The following NKD1 variants were observed in gnomAD, a reference collection of about 807,000 sequenced individuals.
The protein encoded by NKD1 is NKD inhibitor of Wnt signaling pathway 1, also known as protein naked cuticle homolog 1.
Under a neutral mutation model 56.0 loss-of-function variants are expected in NKD1, and 21 were observed. The observed-to-expected ratio is 0.38, with a 90% CI of 0.27 to 0.54. The LOEUF (loss-of-function observed/expected upper bound fraction) is 0.54. Ranked by LOEUF, NKD1 falls within the 20% of genes least tolerant of loss-of-function variation. NKD1 has a pLI of 0.82. For synonymous variants in NKD1, 263 were observed against 265.7 expected (o/e 0.99, Z 0.10); for missense variants, 578 against 642.7 (o/e 0.90, Z 1.09).
intron 3 of NKD1, among the ~76,000 whole-genome samples, chr16:50,601,977 C>T (rs1961606891): frequency 6.6e-6 from 1 of 152,212 alleles, no homozygotes; most frequent in Non-Finnish European, 1.5e-5. Context: ...TCTCAAAAGG[C>T]TGCCTGCCAT....
intron 4 of NKD1, among the ~76,000 whole-genome samples, chr16:50,610,618 G>A (rs1214735843): frequency 6.6e-6 from 1 of 152,244 alleles, no homozygotes; most frequent in Non-Finnish European, 1.5e-5. Context: ...TGTTGGCCAA[G>A]TTCATTGCCT....
At chr16:50,596,523 T>G (rs1385601089) in intron 3 of NKD1, among the ~76,000 whole-genome samples, 2 of 152,352 alleles carry the variant, frequency 1.3e-5, no homozygotes, top group Non-Finnish European at 1.5e-5. Flanking sequence ...GACGTGTGCC[T>G]CCTACTACAG....
intron 3 of NKD1, among the ~76,000 whole-genome samples, chr16:50,571,955 G>A (rs1381448928): frequency 6.6e-6 from 1 of 151,966 alleles, no homozygotes; most frequent in African/African-American, 2.4e-5. Context: ...ACCTCACTCC[G>A]TCCCAGCCGC....
intron 6 of NKD1, 97 bp downstream of exon 6, chr16:50,625,677 G>A (rs1475993350): frequency 1.0e-5 from 8 of 775,484 alleles, no homozygotes; most frequent in Admixed American, 6.1e-5. Flanking sequence ...CCCCTGCATC[G>A]GTCCTGCCCC....
In NKD1 at chr16:50,645,788, A is replaced by G. The variant is rs1268871762; in HGVS notation, c.*12007A>G. On this transcript the variant is annotated 3_prime_UTR_variant, in exon 10 of 10. Transcript: ENST00000268459. Reference sequence around the variant, plus strand: ...AGCACTACCTTCCGTGCTGCCGAACATCTTCTTAAGCGAGGGAAAGAACAA... The same window carrying G: ...AGCACTACCTTCCGTGCTGCCGAACGTCTTCTTAAGCGAGGGAAAGAACAA... 6.6e-6 allele frequency: 1 copy of G among 152,232 alleles called. No homozygotes were observed. The highest frequency in any genetic ancestry group is 2.4e-5 in the African/African-American group (1 of 41,456). The allele number at this position is 152,232 out of a possible 1,614,324, so 9.4% of individuals were successfully genotyped here. A position where few individuals can be genotyped will look rare whatever the true frequency, so the allele number is the denominator to read the frequency against.
chr16:50,620,878 G>C (rs748553687), intron 4 of NKD1, among the ~76,000 whole-genome samples: 3 of 152,178 alleles, frequency 2.0e-5, no homozygotes, highest in Non-Finnish European at 2.9e-5. Flanking sequence ...TGGCAGAGAG[G>C]GGAGGACCTG....
chr16:50,621,070 T>A (rs564031435), intron 4 of NKD1, among the ~76,000 whole-genome samples: 3 of 152,380 alleles, frequency 2.0e-5, no homozygotes. Context: ...TGTGCATACA[T>A]GTATGTGGAC....
chr16:50,611,616 G>T (rs1961849706), intron 4 of NKD1, among the ~76,000 whole-genome samples: 1 of 152,174 alleles, frequency 6.6e-6, no homozygotes, highest in African/African-American at 2.4e-5. Flanking sequence ...CCTGGTGGGG[G>T]CTGAGCAGCA....
In NKD1 at chr16:50,634,015, G is replaced by T; in HGVS notation, c.*234G>T. The T allele has an allele frequency of 2.4e-6, 1 of 417,342 alleles. No individual in the cohort carries two copies. The highest frequency in any genetic ancestry group is 4.2e-6 in the Non-Finnish European group (1 of 237,542). The allele number at this position is 417,342 out of a possible 1,614,324, so 25.9% of individuals were successfully genotyped here. A position where few individuals can be genotyped will look rare whatever the true frequency, so the allele number is the denominator to read the frequency against. ...TAGCCCAGGAAATGACTCTGGTTTT[G>T]AGTGGCCTGTAATGGGCAGAGGCTC... On this transcript the variant is annotated 3_prime_UTR_variant, in exon 10 of 10. Transcript: ENST00000268459.
chr16:50,621,991 G>C (rs1654243404), intron 5 of NKD1, among the ~76,000 whole-genome samples: 1 of 152,248 alleles, frequency 6.6e-6, no homozygotes, highest in Non-Finnish European at 1.5e-5. Context: ...GAGGGAGGCA[G>C]GACTCTGGCC....
chr16:50,631,988 A>G lies in NKD1; in HGVS notation c.696-293A>G, dbSNP rs151040028. Among the ~76,000 whole-genome samples the G allele has an allele frequency of 1.7e-3, 260 of 152,344 alleles. 3 individuals are homozygous for G. The highest frequency in any genetic ancestry group is 6.0e-3 in the African/African-American group (249 of 41,586). On this transcript the variant is annotated intron_variant, in intron 8 of 9. Coordinates refer to ENST00000268459, the MANE Select transcript of NKD1 (RefSeq NM_033119.5). ...CTGGGGCATTCCTAGAAGTTGACCA[A>G]TAACCTCTCACGTTTGCTTTGAACC...
rs1019339694 is a variant in NKD1 at position 50,643,521 on chromosome 16, C to A, written c.*9740C>A. 6.6e-6 allele frequency: 1 copy of A among 152,234 alleles called. No homozygotes were observed. Among genetic ancestry groups the A allele is most frequent in the Non-Finnish European group, 1.5e-5 (1 of 68,048 alleles). 9.4% of individuals were successfully genotyped at this position (152,234 alleles called of 1,614,324 possible). On this transcript the variant is annotated 3_prime_UTR_variant, in exon 10 of 10. Coordinates refer to ENST00000268459, the MANE Select transcript of NKD1 (RefSeq NM_033119.5). ...AGACCTCAGCCTCAGCAAGATGGTGCCCCAAGCTCTCAGGGTGCCCTGTGG... is the reference window on the plus strand; with the variant it reads ...AGACCTCAGCCTCAGCAAGATGGTGACCCAAGCTCTCAGGGTGCCCTGTGG...
chr16:50,549,690 C>A, intron 3 of NKD1, 135 bp downstream of exon 3: 1 of 922,860 alleles, frequency 1.1e-6, no homozygotes, highest in Non-Finnish European at 1.5e-6. Context: ...CAGCTGCCCC[C>A]TGCCCCACCA....
At chr16:50,554,830 A>G (rs1271398115) in intron 3 of NKD1, among the ~76,000 whole-genome samples, 1 of 152,108 alleles carries the variant, frequency 6.6e-6, no homozygotes, top group Non-Finnish European at 1.5e-5. Context: ...TTTGTTGCCC[A>G]GGCTGGATTG....
chr16:50,577,813 G>A lies in NKD1; in HGVS notation c.192+28258G>A, dbSNP rs139429437. On this transcript the variant is annotated intron_variant, in intron 3 of 9. Coordinates refer to ENST00000268459, the MANE Select transcript of NKD1 (RefSeq NM_033119.5). ...AGGTAGGCATAGCTAAGCACCCAGG[G>A]GTCTTAAAGTTGACCTTTATGTAGA... 8.5e-5 allele frequency among the ~76,000 whole-genome samples: 13 copies of A among 152,272 alleles called. 1 individual carries two copies. The highest frequency in any genetic ancestry group is 1.9e-4 in the Non-Finnish European group (13 of 68,010).
At chr16:50,631,190 G>A (rs940171421) in intron 8 of NKD1, among the ~76,000 whole-genome samples, 2 of 152,190 alleles carry the variant, frequency 1.3e-5, no homozygotes, top group African/African-American at 4.8e-5. Flanking sequence ...ACGTGTTGCT[G>A]TTTCTGCTGG....
chr16:50,554,842 AC>A (rs1166605213), intron 3 of NKD1, among the ~76,000 whole-genome samples: 3 of 150,888 alleles, frequency 2.0e-5, no homozygotes, highest in African/African-American at 7.3e-5. Flanking sequence ...GCTGGATTGA[AC>A]TCCTGGCCTC....
chr16:50,562,955 T>A (rs1960666776), intron 3 of NKD1, among the ~76,000 whole-genome samples: 1 of 144,240 alleles, frequency 6.9e-6, no homozygotes, highest in African/African-American at 2.7e-5. Flanking sequence ...GACACCTGCC[T>A]CTCTTGAAAG....
chr16:50,585,517 G>A (rs1961209426), intron 3 of NKD1, among the ~76,000 whole-genome samples: 2 of 152,250 alleles, frequency 1.3e-5, no homozygotes, highest in African/African-American at 4.8e-5. Context: ...GGGGGACGTG[G>A]GGCCCGGATG....
Sources: gnomAD v4.1 joint callset for allele counts (sites outside exome capture counted in the v4.1 genomes callset) on GRCh38, gnomAD v4.1.1 for gene constraint, MANE v1.5 for transcripts, NCBI Gene and HGNC (gene_info 2026-07-23, HGNC 2026-07-21) for gene names.